Variants in TTC7B observed in about 807,000 individuals in gnomAD.
The protein encoded by TTC7B is tetratricopeptide repeat domain 7B, also known as tetratricopeptide repeat protein 7B.
Under a neutral mutation model 106.8 loss-of-function variants are expected in TTC7B, and 28 were observed. The ratio of observed to expected loss-of-function variants is 0.26; its 90% confidence interval spans 0.19 to 0.36. The LOEUF (loss-of-function observed/expected upper bound fraction) is 0.36, where lower values mean the gene tolerates loss of function less well. Among genes scored for constraint, TTC7B ranks in the 10% least tolerant of loss-of-function variants. TTC7B has a pLI of 1.00. For synonymous variants in TTC7B, 405 were observed against 430.6 expected, an observed-to-expected ratio of 0.94 and a Z score of 0.74; for missense variants, 862 against 1,076.4, an observed-to-expected ratio of 0.80 and a Z score of 2.79.
At chr14:90,691,330 C>G (rs1887467125) in intron 6 of TTC7B, among the ~76,000 whole-genome samples, 1 of 152,030 alleles carries the variant, frequency 6.6e-6, no homozygotes, top group East Asian at 1.9e-4. Context: ...GGGTATTAAC[C>G]TTCCTGAGAG....
intron 15 of TTC7B, among the ~76,000 whole-genome samples, chr14:90,622,599 G>A (rs187256762): frequency 1.5e-3 from 229 of 151,934 alleles, no homozygotes; most frequent in Non-Finnish European, 2.8e-3. Context: ...TTGTGGTAGC[G>A]TGCACCTGTA....
At chr14:90,644,242 T>C (rs200305180) in intron 14 of TTC7B, 34 bp from the exon 15 acceptor site, 3 of 275,764 alleles carry the variant, frequency 1.1e-5, no homozygotes, top group Non-Finnish European at 1.4e-5. Context: ...AGGTTTTACA[T>C]ACACACATGC....
intron 13 of TTC7B, among the ~76,000 whole-genome samples, chr14:90,647,866 A>T (rs1885534777): frequency 6.6e-6 from 1 of 152,160 alleles, no homozygotes; most frequent in Non-Finnish European, 1.5e-5. Flanking sequence ...GAGCAGACTA[A>T]TTAGGTGGGA....
At chr14:90,629,392 A>C (rs1205900917) in intron 15 of TTC7B, among the ~76,000 whole-genome samples, 1 of 152,152 alleles carries the variant, frequency 6.6e-6, no homozygotes, top group Non-Finnish European at 1.5e-5. Context: ...GCCCATTTGC[A>C]GAAAGTATGG....
At chr14:90,679,694 T>C (rs17799424) in intron 8 of TTC7B, among the ~76,000 whole-genome samples, 20,509 of 152,218 alleles carry the variant, frequency 0.13, 1,673 homozygotes, top group Middle Eastern at 0.21. Context: ...AGGTGCTCAG[T>C]ATACATCACT....
In TTC7B at chr14:90,539,127, T is replaced by C. The variant is rs1889492086; in HGVS notation, c.*2241A>G. On this transcript the variant is annotated 3_prime_UTR_variant, in exon 20 of 20. Transcript: ENST00000328459. ...TGGGGAGCTGGAGGGCTCTGGTTGT[T>C]AAGGCTGGGCCCATGTGTCCATCCT... 6.6e-6 allele frequency: 1 copy of C among 152,296 alleles called. No individual in the cohort carries two copies. Among genetic ancestry groups the C allele is most frequent in the South Asian group, 2.1e-4 (1 of 4,830 alleles). 9.4% of individuals were successfully genotyped at this position (152,296 alleles called of 1,614,324 possible).
chr14:90,591,267 G>A (rs1389331456), intron 18 of TTC7B, among the ~76,000 whole-genome samples: 1 of 152,192 alleles, frequency 6.6e-6, no homozygotes, highest in African/African-American at 2.4e-5. Context: ...CTTGAACCCA[G>A]CAGGCAGAGG....
chr14:90,593,390 A>G, intron 18 of TTC7B, 96 bp downstream of exon 18: 1 of 1,459,626 alleles, frequency 6.9e-7, no homozygotes, highest in African/African-American at 1.4e-5. Flanking sequence ...TGGGCTAAAC[A>G]GACAAGCGCC....
chr14:90,705,709 AG>A (rs985677283), intron 5 of TTC7B, among the ~76,000 whole-genome samples: 1 of 152,202 alleles, frequency 6.6e-6, no homozygotes, highest in African/African-American at 2.4e-5. Context: ...TCCAACTAAA[AG>A]TAACAACTAC....
At chr14:90,565,156 T>A (rs1290853875) in intron 19 of TTC7B, among the ~76,000 whole-genome samples, 1 of 152,226 alleles carries the variant, frequency 6.6e-6, no homozygotes, top group African/African-American at 2.4e-5. Context: ...TGGATTAGGC[T>A]TTGGCTTAAG....
chr14:90,595,528 A>G (rs1478147770), intron 17 of TTC7B, among the ~76,000 whole-genome samples: 2 of 152,168 alleles, frequency 1.3e-5, no homozygotes, highest in Non-Finnish European at 2.9e-5. Context: ...CACCTTTTTT[A>G]TGGAAAGTAA....
At position 90,600,440 on chromosome 14, in the gene TTC7B, G is replaced by A. The variant is rs1195336870; in HGVS notation, c.1967-6814C>T. On this transcript the variant is annotated intron_variant, in intron 17 of 19. Transcript: ENST00000328459. The surrounding 1 kb of genome is among the most constrained non-coding windows in gnomAD (Gnocchi z 4.3). ...CCCACCAACCATGAGGGCTCCTGCT[G>A]TGGGTTCCTCTGATAAATAAATCAC... is the stretch of plus-strand genomic sequence containing the variant. Among the ~76,000 whole-genome samples the A allele has an allele frequency of 6.6e-5, 10 of 152,222 alleles. No individual in the cohort carries two copies. Among genetic ancestry groups the A allele is most frequent in the Non-Finnish European group, 1.3e-4 (9 of 68,040 alleles).
At chr14:90,615,243 G>A (rs1893022200) in intron 16 of TTC7B, among the ~76,000 whole-genome samples, 1 of 152,180 alleles carries the variant, frequency 6.6e-6, no homozygotes, top group Non-Finnish European at 1.5e-5. Context: ...TGAAGCTAGG[G>A]TCTATTCTCA....
chr14:90,583,971 C>T (rs879658634), intron 18 of TTC7B, among the ~76,000 whole-genome samples: 1 of 152,176 alleles, frequency 6.6e-6, no homozygotes, highest in Non-Finnish European at 1.5e-5. Flanking sequence ...TCACTCTGCC[C>T]AGGACCCCCC....
intron 1 of TTC7B, 113 bp from the exon 2 acceptor site, chr14:90,786,441 G>A: frequency 7.8e-7 from 1 of 1,274,826 alleles, no homozygotes; most frequent in Middle Eastern, 2.0e-4. Flanking sequence ...CCCCCAGCAA[G>A]GTCCTTCTGG....
chr14:90,815,467 C>T (rs900107288), intron 1 of TTC7B, among the ~76,000 whole-genome samples: 4 of 152,064 alleles, frequency 2.6e-5, no homozygotes, highest in Non-Finnish European at 5.9e-5. Context: ...ACTCCATCTC[C>T]CGACATTCTT....
chr14:90,796,667 A>C (rs1464788764), intron 1 of TTC7B, among the ~76,000 whole-genome samples: 1 of 152,196 alleles, frequency 6.6e-6, no homozygotes, highest in Non-Finnish European at 1.5e-5. Flanking sequence ...CTTGACACCA[A>C]CACAAAAAAT....
At position 90,533,753 on chromosome 14, in the gene TTC7B, G is replaced by A. The variant is rs1448389380; in HGVS notation, c.*7615C>T. 6.6e-6 allele frequency: 1 copy of A among 152,378 alleles called. No homozygotes were observed. The highest frequency in any genetic ancestry group is 1.5e-5 in the Non-Finnish European group (1 of 68,134). The allele number at this position is 152,378 out of a possible 1,614,324, so 9.4% of individuals were successfully genotyped here. ...AGCAGAAGATGAGGGAGACGAGGAGGGTGGTGGGGGCTGTGGGTGGCCCGG... is the reference window on the plus strand; with the variant it reads ...AGCAGAAGATGAGGGAGACGAGGAGAGTGGTGGGGGCTGTGGGTGGCCCGG... On this transcript the variant is annotated 3_prime_UTR_variant, in exon 20 of 20. Transcript: ENST00000328459.
At chr14:90,734,158 C>T (rs1302061186) in intron 4 of TTC7B, among the ~76,000 whole-genome samples, 1 of 152,126 alleles carries the variant, frequency 6.6e-6, no homozygotes, top group Non-Finnish European at 1.5e-5. Flanking sequence ...GTGGCTCATG[C>T]TTGTAATCAC....
Sources: gnomAD v4.1 joint callset for allele counts (sites outside exome capture counted in the v4.1 genomes callset) on GRCh38, gnomAD v4.1.1 for gene constraint, Gnocchi (gnomAD v3.1) non-coding constraint, MANE v1.5 for transcripts, NCBI Gene and HGNC (gene_info 2026-07-23, HGNC 2026-07-21) for gene names.